Variants in RIMS2 observed in about 807,000 individuals in gnomAD.
RIMS2 encodes regulating synaptic membrane exocytosis 2.
A neutral mutation model predicts 174.4 loss-of-function variants in RIMS2; 59 were observed. The observed-to-expected ratio is 0.34, with a 90% CI of 0.27 to 0.42. The LOEUF (loss-of-function observed/expected upper bound fraction) is 0.42. RIMS2 is among the 10% of genes least tolerant of loss of function. The probability of loss-of-function intolerance (pLI) is 1.00; values close to 1 mark genes in which losing one functional copy is unlikely to be tolerated. For missense variants in RIMS2, 1,620 were observed against 1,666.3 expected, an observed-to-expected ratio of 0.97 and a Z score of 0.48; for synonymous variants, 606 against 572.5, an observed-to-expected ratio of 1.06 and a Z score of -0.84.
At chr8:104,021,983 G>A (rs777890012) in intron 19 of RIMS2, among the ~76,000 whole-genome samples, 1 of 152,162 alleles carries the variant, frequency 6.6e-6, no homozygotes, top group Non-Finnish European at 1.5e-5. Flanking sequence ...CTCTGGGTGG[G>A]GGCCACAGGA....
intron 17 of RIMS2, among the ~76,000 whole-genome samples, chr8:104,004,115 A>C (rs1167433080): frequency 2.0e-5 from 3 of 152,190 alleles, no homozygotes; most frequent in African/African-American, 7.2e-5. Context: ...TTTTGGAATT[A>C]CTGAGAAAGC....
At chr8:103,905,630 TG>T (rs1477143058) in intron 4 of RIMS2, among the ~76,000 whole-genome samples, 17 of 150,804 alleles carry the variant, frequency 1.1e-4, no homozygotes, top group Admixed American at 1.1e-3. Context: ...TGGCCAAATT[TG>T]GGAAATTTTC....
chr8:103,545,418 G>A (rs1458743500), intron 1 of RIMS2, among the ~76,000 whole-genome samples: 1 of 152,204 alleles, frequency 6.6e-6, no homozygotes, highest in Admixed American at 6.5e-5. Context: ...CCCTGAAAGA[G>A]AGGAAGAGAA....
chr8:103,538,690 T>C (rs557452495), intron 1 of RIMS2, among the ~76,000 whole-genome samples: 3 of 152,308 alleles, frequency 2.0e-5, no homozygotes, highest in East Asian at 3.9e-4. Flanking sequence ...CTAATTTTTA[T>C]ATTTTTAGTA....
At chr8:104,105,584 T>G (rs1196336924) in intron 19 of RIMS2, among the ~76,000 whole-genome samples, 1 of 152,046 alleles carries the variant, frequency 6.6e-6, no homozygotes, top group Non-Finnish European at 1.5e-5. Flanking sequence ...AAAAAAAGTT[T>G]TAGGACAGAG....
At chr8:104,135,546 C>T (rs1265993563) in intron 19 of RIMS2, among the ~76,000 whole-genome samples, 1 of 135,588 alleles carries the variant, frequency 7.4e-6, no homozygotes, top group Admixed American at 8.6e-5. Flanking sequence ...GTCAAGGTTA[C>T]AATGAGTTGT....
At chr8:104,090,095 C>T (rs1566304540) in intron 19 of RIMS2, among the ~76,000 whole-genome samples, 2 of 151,196 alleles carry the variant, frequency 1.3e-5, no homozygotes, top group Non-Finnish European at 3.0e-5. Flanking sequence ...ACACACAGAG[C>T]CCAATGACAA....
intron 19 of RIMS2, among the ~76,000 whole-genome samples, chr8:104,153,716 C>A (rs1008102792): frequency 3.3e-5 from 5 of 151,886 alleles, no homozygotes; most frequent in African/African-American, 1.2e-4. Context: ...AAAGACTGAG[C>A]CCTAAGACAT....
intron 1 of RIMS2, among the ~76,000 whole-genome samples, chr8:103,655,732 A>G (rs1015776588): frequency 6.6e-6 from 1 of 152,094 alleles, no homozygotes; most frequent in Admixed American, 6.6e-5. Flanking sequence ...GTCTTTAAGT[A>G]GCAAGGGACA....
At chr8:103,815,156 G>A (rs547031650) in intron 3 of RIMS2, among the ~76,000 whole-genome samples, 1 of 152,198 alleles carries the variant, frequency 6.6e-6, no homozygotes, top group South Asian at 2.1e-4. Context: ...TTGTTCCAGT[G>A]TGCTCTCAGA....
intron 1 of RIMS2, among the ~76,000 whole-genome samples, chr8:103,607,584 C>G (rs1157187558): frequency 6.8e-6 from 1 of 146,288 alleles, no homozygotes; most frequent in African/African-American, 2.6e-5. Context: ...TGGATAATAT[C>G]CTGCAGAGTG....
chr8:103,916,342 A>C (rs1220732351), intron 7 of RIMS2, 72 bp from the exon 11 acceptor site: 4 of 1,100,744 alleles, frequency 3.6e-6, no homozygotes, highest in Non-Finnish European at 5.3e-6. Flanking sequence ...ATTGAAGTTT[A>C]AGATGCTCTT....
chr8:104,007,584 T>C (rs2095628058), intron 17 of RIMS2, among the ~76,000 whole-genome samples: 3 of 152,214 alleles, frequency 2.0e-5, no homozygotes, highest in Admixed American at 2.0e-4. Flanking sequence ...TCATCTTTTT[T>C]ACTACAGTCT....
At chr8:104,115,818 T>C (rs2098270064) in intron 19 of RIMS2, among the ~76,000 whole-genome samples, 1 of 152,186 alleles carries the variant, frequency 6.6e-6, no homozygotes, top group Non-Finnish European at 1.5e-5. Flanking sequence ...GCTGTTCCCC[T>C]TAAGCTAGTT....
intron 15 of RIMS2, among the ~76,000 whole-genome samples, chr8:103,970,139 T>C (rs1481545085): frequency 6.6e-6 from 1 of 152,150 alleles, no homozygotes; most frequent in Non-Finnish European, 1.5e-5. Flanking sequence ...CCTTTAGTAA[T>C]GTGCTGGTAA....
intron 1 of RIMS2, among the ~76,000 whole-genome samples, chr8:103,641,071 G>T (rs1347994807): frequency 1.3e-5 from 2 of 151,954 alleles, no homozygotes; most frequent in Non-Finnish European, 2.9e-5. Flanking sequence ...TTTTCTTGGA[G>T]GAATTCATCC....
chr8:103,919,665 T>A (rs962031196), intron 9 of RIMS2, among the ~76,000 whole-genome samples: 3 of 152,142 alleles, frequency 2.0e-5, no homozygotes, highest in Non-Finnish European at 4.4e-5. Flanking sequence ...TAGTTGAGAA[T>A]GTACTATTAA....
chr8:103,959,275 C>CA lies in RIMS2; in HGVS notation c.2702-1789dup, dbSNP rs374448411. Among the ~76,000 whole-genome samples, 463 of 152,238 alleles carry CA rather than the reference C, an allele frequency of 3.0e-3. 2 individuals are homozygous for CA. Among genetic ancestry groups the CA allele is most frequent in the African/African-American group, 0.01 (430 of 41,540 alleles). ...TGACAATATCTCAAAAATGCACACA[C>CA]AGACAAATGTATATGGATTATTATT... On this transcript the variant is annotated intron_variant, in intron 14 of 23. Transcript: ENST00000504942.
chr8:104,095,512 A>G (rs770332265), intron 19 of RIMS2, among the ~76,000 whole-genome samples: 19 of 152,146 alleles, frequency 1.2e-4, no homozygotes, highest in Non-Finnish European at 2.1e-4. Context: ...CTATATTTTA[A>G]TTTTCATAGC....
Sources: gnomAD v4.1 joint callset for allele counts (sites outside exome capture counted in the v4.1 genomes callset) on GRCh38, gnomAD v4.1.1 for gene constraint, MANE v1.5 for transcripts, NCBI Gene and HGNC (gene_info 2026-07-23, HGNC 2026-07-21) for gene names.